DDR2: variants seen among roughly 807,000 people sequenced by gnomAD.
The protein encoded by DDR2 is discoidin domain-containing receptor 2.
In DDR2, 27 loss-of-function variants were observed where a neutral mutation model predicts 94.9. That is an observed-to-expected ratio of 0.28 (90% CI 0.21 to 0.39). The LOEUF is 0.39. DDR2 is among the 10% of genes least tolerant of loss of function. The pLI, the probability that DDR2 is intolerant of heterozygous loss-of-function variation, is 1.00. For missense variants in DDR2, 783 were observed against 1,076.0 expected (o/e 0.73, Z 3.81); for synonymous variants, 382 against 377.2 (o/e 1.01, Z -0.15).
At chr1:162,715,525 AAGGGCAGCTCT>A (rs1292846603) in intron 2 of DDR2, among the ~76,000 whole-genome samples, 1 of 152,166 alleles carries the variant, frequency 6.6e-6, no homozygotes, top group Non-Finnish European at 1.5e-5. Flanking sequence ...GGATGAGGAG[AAGGGCAGCTCT>A]GGTGAGGTAG....
Position 162,718,831 on chromosome 1 carries a change from A to G in DDR2, c.-27-206A>G, listed in dbSNP as rs12083612. Among the ~76,000 whole-genome samples, 2,749 of 152,312 alleles carry G rather than the reference A, an allele frequency of 0.018. 75 individuals carry two copies. Among genetic ancestry groups the G allele is most frequent in the African/African-American group, 0.063 (2,605 of 41,544 alleles). ...AAATTTCATGAGTGTGCAATCTGAT[A>G]GAGTTTGAAAATTATTATATTAGGT... On this transcript the variant is annotated intron_variant, in intron 2 of 17. Transcript: ENST00000367921.
chr1:162,734,838 A>G (rs1158271127), intron 3 of DDR2, among the ~76,000 whole-genome samples: 1 of 152,216 alleles, frequency 6.6e-6, no homozygotes, highest in Non-Finnish European at 1.5e-5. Flanking sequence ...ACATTTTCTT[A>G]AGAAGAATGA....
At chr1:162,745,949 T>C (rs1662838625) in intron 3 of DDR2, among the ~76,000 whole-genome samples, 1 of 152,240 alleles carries the variant, frequency 6.6e-6, no homozygotes, top group South Asian at 2.1e-4. Flanking sequence ...TTTTCTGCTT[T>C]GTCAAATGCC....
At position 162,785,726 on chromosome 1, in the gene DDR2, A is replaced by G. The variant is rs193020738; in HGVS notation, c.*5480A>G. The G allele has an allele frequency of 1.1e-4, 16 of 152,346 alleles. No homozygotes were observed. Among genetic ancestry groups the G allele is most frequent in the Admixed American group, 9.8e-4 (15 of 15,306 alleles). 9.4% of individuals were successfully genotyped at this position (152,346 alleles called of 1,614,324 possible). A position where few individuals can be genotyped will look rare whatever the true frequency, so the allele number is the denominator to read the frequency against. ...ATGTAGGGAGAATTGTTTTGCTTGT[A>G]ACATGGAGAGTTTATTTTCAAGTGA... On this transcript the variant is annotated 3_prime_UTR_variant, in exon 18 of 18. Coordinates refer to ENST00000367921, the MANE Select transcript of DDR2 (RefSeq NM_006182.4).
chr1:162,775,380 G>A (rs1647474372), intron 14 of DDR2, among the ~76,000 whole-genome samples: 1 of 152,148 alleles, frequency 6.6e-6, no homozygotes, highest in African/African-American at 2.4e-5. Context: ...CTTTCTGTGT[G>A]GCAGGGATTT....
intron 4 of DDR2, 109 bp downstream of exon 4, chr1:162,753,306 G>C (rs903456129): frequency 1.0e-6 from 1 of 981,824 alleles, no homozygotes; most frequent in Non-Finnish European, 1.6e-6. Flanking sequence ...GGCAGGAACT[G>C]TTGAGAAATG....
At chr1:162,650,519 C>T (rs1244491033) in intron 1 of DDR2, among the ~76,000 whole-genome samples, 2 of 152,090 alleles carry the variant, frequency 1.3e-5, no homozygotes, top group Non-Finnish European at 2.9e-5. Context: ...TCGCTTGAAC[C>T]TGGGAGGCAG....
Position 162,782,465 on chromosome 1 carries a change from A to G in DDR2, c.*2219A>G, listed in dbSNP as rs532202615. ...ACCAGGTGTTTCCAAATACATTAGC[A>G]TATTTGATATGTGCAGGACTAGATA... On this transcript the variant is annotated 3_prime_UTR_variant, in exon 18 of 18. Coordinates refer to ENST00000367921, the MANE Select transcript of DDR2 (RefSeq NM_006182.4). 6.6e-6 allele frequency: 1 copy of G among 152,294 alleles called. No individual in the cohort carries two copies. Among genetic ancestry groups the G allele is most frequent in the South Asian group, 2.1e-4 (1 of 4,824 alleles). 9.4% of individuals were successfully genotyped at this position (152,294 alleles called of 1,614,324 possible). A position where few individuals can be genotyped will look rare whatever the true frequency, so the allele number is the denominator to read the frequency against.
At chr1:162,667,769 A>C (rs1307441494) in intron 2 of DDR2, among the ~76,000 whole-genome samples, 1 of 152,140 alleles carries the variant, frequency 6.6e-6, no homozygotes, top group Non-Finnish European at 1.5e-5. Flanking sequence ...AACCCCAACA[A>C]TGACACTACC....
chr1:162,718,805 T>G (rs1230394230), intron 2 of DDR2, among the ~76,000 whole-genome samples: 2 of 152,212 alleles, frequency 1.3e-5, no homozygotes, highest in African/African-American at 2.4e-5. Flanking sequence ...TTTGCTAATT[T>G]AAATTTCATG....
At position 162,672,684 on chromosome 1, in the gene DDR2, C is replaced by A. The variant is rs146885904; in HGVS notation, c.-28+17310C>A. ...TAAGTAGTACTTAGGCAAATCTCCA[C>A]TCATAGTATTGTGGTAAAAGATTAA... On this transcript the variant is annotated intron_variant, in intron 2 of 17. Coordinates refer to ENST00000367921, the MANE Select transcript of DDR2 (RefSeq NM_006182.4). Among the ~76,000 whole-genome samples, 340 of 152,250 alleles carry A rather than the reference C, an allele frequency of 2.2e-3. 1 individual carries two copies. The highest frequency in any genetic ancestry group is 7.6e-3 in the African/African-American group (314 of 41,550).
chr1:162,729,619 C>T (rs2102057040), intron 3 of DDR2, among the ~76,000 whole-genome samples: 1 of 150,664 alleles, frequency 6.6e-6, no homozygotes, highest in South Asian at 2.1e-4. Flanking sequence ...TGACCAGCAC[C>T]TATTACAGTG....
chr1:162,691,497 G>A (rs1294238996), intron 2 of DDR2, among the ~76,000 whole-genome samples: 1 of 152,200 alleles, frequency 6.6e-6, no homozygotes, highest in Non-Finnish European at 1.5e-5. Context: ...CCTAAAAGGA[G>A]TGATAGGTGT....
chr1:162,732,267 C>G (rs140444461), intron 3 of DDR2, among the ~76,000 whole-genome samples: 11 of 152,306 alleles, frequency 7.2e-5, no homozygotes, highest in South Asian at 2.1e-4. Context: ...TCTTGGCCCC[C>G]CTGTGGAATC....
At chr1:162,693,350 G>A (rs1416060079) in intron 2 of DDR2, among the ~76,000 whole-genome samples, 1 of 152,218 alleles carries the variant, frequency 6.6e-6, no homozygotes, top group Non-Finnish European at 1.5e-5. Flanking sequence ...AGGAGCTTCT[G>A]CATGAAAGTA....
chr1:162,686,841 G>C (rs919035623), intron 2 of DDR2, among the ~76,000 whole-genome samples: 47 of 152,216 alleles, frequency 3.1e-4, no homozygotes, highest in African/African-American at 1.1e-3. Flanking sequence ...GCCTCCCAAA[G>C]TACTGGGATT....
At chr1:162,762,738 T>G (rs1327488583) in intron 9 of DDR2, among the ~76,000 whole-genome samples, 1 of 152,226 alleles carries the variant, frequency 6.6e-6, no homozygotes, top group Non-Finnish European at 1.5e-5. Flanking sequence ...CAATAATGTC[T>G]AATTAATTTT....
chr1:162,658,906 T>C (rs1251917481), intron 2 of DDR2, among the ~76,000 whole-genome samples: 1 of 151,982 alleles, frequency 6.6e-6, no homozygotes, highest in Non-Finnish European at 1.5e-5. Flanking sequence ...TGGACAATTC[T>C]AGGTAAACAG....
chr1:162,754,401 G>C (rs1033693760), intron 4 of DDR2, among the ~76,000 whole-genome samples: 3 of 152,150 alleles, frequency 2.0e-5, no homozygotes, highest in Admixed American at 2.0e-4. Flanking sequence ...TGATCTGAAG[G>C]CCTCAGCTCA....
Sources: allele counts gnomAD v4.1 joint callset (sites outside exome capture counted in the v4.1 genomes callset), GRCh38; gene constraint gnomAD v4.1.1; transcripts MANE v1.5; gene names NCBI Gene and HGNC (gene_info 2026-07-23, HGNC 2026-07-21).